RGS7: variants seen among roughly 807,000 people sequenced by gnomAD.
RGS7 encodes the protein regulator of G-protein signaling 7.
A neutral mutation model predicts 81.1 loss-of-function variants in RGS7; 27 were observed. The observed-to-expected ratio is 0.33, with a 90% CI of 0.25 to 0.46. The LOEUF is 0.46. Among genes scored for constraint, RGS7 ranks in the 20% least tolerant of loss-of-function variants. The pLI, the probability that RGS7 is intolerant of heterozygous loss-of-function variation, is 1.00. For synonymous variants in RGS7, 208 were observed against 207.7 expected (o/e 1.00, Z -0.01); for missense variants, 396 against 607.4 (o/e 0.65, Z 3.66).
In RGS7 at chr1:241,027,431, T is replaced by A. The variant is rs74880785; in HGVS notation, c.176-44302A>T. Among the ~76,000 whole-genome samples the A allele has an allele frequency of 3.8e-3, 571 of 152,258 alleles. 3 individuals are homozygous for A. Among genetic ancestry groups the A allele is most frequent in the African/African-American group, 0.013 (528 of 41,544 alleles). On this transcript the variant is annotated intron_variant, in intron 3 of 18. Transcript: ENST00000440928. ...GATCTTAAGTAGGGGAATAATGTGA[T>A]GTGATTTGCATTTTTAAAAGATGAC...
intron 2 of RGS7, among the ~76,000 whole-genome samples, chr1:241,243,680 G>C (rs1016674203): frequency 2.6e-5 from 4 of 152,156 alleles, no homozygotes; most frequent in Non-Finnish European, 5.9e-5. Context: ...AATTTGGAGA[G>C]AGAAGGAATA....
At chr1:241,270,762 T>G in intron 2 of RGS7, among the ~76,000 whole-genome samples, 1 of 143,482 alleles carries the variant, frequency 7.0e-6, no homozygotes, top group South Asian at 2.3e-4. Flanking sequence ...CCCCCCCCCC[T>G]TTTTTTTTTT....
At chr1:240,799,841 T>C (rs1472000532) in intron 18 of RGS7, among the ~76,000 whole-genome samples, 1 of 152,192 alleles carries the variant, frequency 6.6e-6, no homozygotes, top group Non-Finnish European at 1.5e-5. Context: ...AAGGTGTGGA[T>C]GATCAGTCCT....
intron 3 of RGS7, among the ~76,000 whole-genome samples, chr1:241,083,868 TC>T (rs2063289275): frequency 6.6e-6 from 1 of 152,104 alleles, no homozygotes; most frequent in Non-Finnish European, 1.5e-5. Flanking sequence ...TTTTAGTCAT[TC>T]CTATGATGAA....
chr1:241,103,906 C>A (rs917705092), intron 2 of RGS7, among the ~76,000 whole-genome samples: 1 of 152,090 alleles, frequency 6.6e-6, no homozygotes, highest in African/African-American at 2.4e-5. Context: ...TCAAACAAGA[C>A]CTTATACAAA....
intron 6 of RGS7, among the ~76,000 whole-genome samples, chr1:240,925,323 T>C (rs1432571041): frequency 2.0e-5 from 3 of 152,152 alleles, no homozygotes; most frequent in Non-Finnish European, 4.4e-5. Context: ...TTCTCATCTT[T>C]ATGCCCATGT....
Position 241,110,435 on chromosome 1 carries a change from C to G in RGS7, c.79-11673G>C, listed in dbSNP as rs542482555. 2.3e-4 allele frequency among the ~76,000 whole-genome samples: 35 copies of G among 152,012 alleles called. 1 individual carries two copies. Among genetic ancestry groups the G allele is most frequent in the Middle Eastern group, 6.8e-3 (2 of 294 alleles). On this transcript the variant is annotated intron_variant, in intron 2 of 18. Transcript: ENST00000440928. ...AACCTCTATGTGTAACAAAAATGGA[C>G]GAATCATTCCTCTAAAAAATAAATG...
At chr1:240,968,647 G>A (rs1386859992) in intron 4 of RGS7, among the ~76,000 whole-genome samples, 6 of 152,014 alleles carry the variant, frequency 3.9e-5, no homozygotes. Flanking sequence ...TTACAATTGA[G>A]GTTTTTAGAC....
chr1:241,161,725 T>A (rs2069694293), intron 2 of RGS7, among the ~76,000 whole-genome samples: 1 of 149,670 alleles, frequency 6.7e-6, no homozygotes, highest in Non-Finnish European at 1.5e-5. Context: ...ATTGCTTTTT[T>A]TTTTTTTTTT....
intron 14 of RGS7, 80 bp downstream of exon 14, chr1:240,811,838 T>G: frequency 8.1e-7 from 1 of 1,229,846 alleles, no homozygotes; most frequent in East Asian, 2.3e-5. Flanking sequence ...GAAGAATAAT[T>G]GATCTATTAC....
intron 4 of RGS7, among the ~76,000 whole-genome samples, chr1:240,966,460 T>C: frequency 6.6e-6 from 1 of 152,112 alleles, no homozygotes; most frequent in Non-Finnish European, 1.5e-5. Flanking sequence ...CTCTTTATGA[T>C]TTGTACGAAT....
At chr1:241,214,082 A>T (rs1467396268) in intron 2 of RGS7, among the ~76,000 whole-genome samples, 2 of 152,122 alleles carry the variant, frequency 1.3e-5, no homozygotes, top group Non-Finnish European at 2.9e-5. Flanking sequence ...TAGCCTTTAT[A>T]TTTATCTATG....
At position 241,307,639 on chromosome 1, in the gene RGS7, A is replaced by T. The variant is rs536964073; in HGVS notation, c.78+48060T>A. ...CACCCATTCTACGACGGGCCTTTTA[A>T]TAGGCCCTATTTATAAATCAGGTCA... On this transcript the variant is annotated intron_variant, in intron 2 of 18. Coordinates refer to ENST00000440928, the MANE Select transcript of RGS7 (RefSeq NM_001364886.1). Among the ~76,000 whole-genome samples, 163 of 152,352 alleles carry T rather than the reference A, an allele frequency of 1.1e-3. 1 individual carries two copies. The highest frequency in any genetic ancestry group is 3.1e-3 in the African/African-American group (129 of 41,586).
intron 2 of RGS7, among the ~76,000 whole-genome samples, chr1:241,345,973 C>T (rs566768104): frequency 6.6e-6 from 1 of 152,216 alleles, no homozygotes; most frequent in East Asian, 1.9e-4. Context: ...CGAGATCACG[C>T]CACTGCACTC....
intron 6 of RGS7, among the ~76,000 whole-genome samples, chr1:240,908,005 G>A (rs570879871): frequency 6.6e-5 from 10 of 151,604 alleles, no homozygotes; most frequent in Middle Eastern, 3.4e-3. Context: ...TGATTTTTAA[G>A]GAGTCTCCTT....
intron 2 of RGS7, among the ~76,000 whole-genome samples, chr1:241,310,435 CTG>C (rs1170599267): frequency 7.8e-5 from 9 of 115,344 alleles, no homozygotes; most frequent in South Asian, 6.9e-4. Flanking sequence ...GTATGTGTGT[CTG>C]TGTGTGTGAG....
chr1:240,983,726 C>T (rs989825352), intron 3 of RGS7, among the ~76,000 whole-genome samples: 1 of 152,174 alleles, frequency 6.6e-6, no homozygotes, highest in African/African-American at 2.4e-5. Flanking sequence ...TCCATGAAAC[C>T]TCATTGGAAC....
chr1:241,048,806 CA>C (rs2061088501), intron 3 of RGS7, among the ~76,000 whole-genome samples: 1 of 152,176 alleles, frequency 6.6e-6, no homozygotes, highest in Non-Finnish European at 1.5e-5. Context: ...TGGCTTAAAA[CA>C]ACAGACATTT....
At chr1:241,192,159 GGTGTGTGTGTGTGTGTGTGT>G (rs58714151) in intron 2 of RGS7, among the ~76,000 whole-genome samples, 28 of 121,934 alleles carry the variant, frequency 2.3e-4, no homozygotes, top group African/African-American at 7.5e-4. Flanking sequence ...AGAGAAAACA[GGTGTGTGTGTGTGTGTGTGT>G]GTGTGTGTGT....
Sources: allele counts gnomAD v4.1 joint callset (sites outside exome capture counted in the v4.1 genomes callset), GRCh38; gene constraint gnomAD v4.1.1; transcripts MANE v1.5; gene names NCBI Gene and HGNC (gene_info 2026-07-23, HGNC 2026-07-21).